The following CASK variants were observed in gnomAD, a reference collection of about 807,000 sequenced individuals.
CASK encodes calcium/calmodulin dependent serine protein kinase, also known as peripheral plasma membrane protein CASK.
Under a neutral mutation model 82.9 loss-of-function variants are expected in CASK, and 4 were observed. That is an observed-to-expected ratio of 0.05 (90% CI 0.02 to 0.11). The LOEUF (loss-of-function observed/expected upper bound fraction) is 0.11, where lower values mean the gene tolerates loss of function less well. Among genes scored for constraint, CASK ranks in the 10% least tolerant of loss-of-function variants. The probability of loss-of-function intolerance (pLI) is 1.00; values close to 1 mark genes in which losing one functional copy is unlikely to be tolerated. For synonymous variants in CASK, 259 were observed against 253.5 expected (o/e 1.02, Z -0.20); for missense variants, 358 against 720.9 (o/e 0.50, Z 5.76).
intron 3 of CASK, among the ~76,000 whole-genome samples, chrX:41,773,303 AG>A (rs2069281134): frequency 9.6e-6 from 1 of 103,719 alleles, no homozygotes; most frequent in Non-Finnish European, 2.0e-5. Context: ...TGAACCCAGG[AG>A]GTCGAGGCTG....
intron 5 of CASK, among the ~76,000 whole-genome samples, chrX:41,717,178 T>C (rs1422678557): frequency 1.8e-5 from 2 of 111,894 alleles, no homozygotes; most frequent in South Asian, 7.4e-4. Context: ...GACACAGTAG[T>C]AGAAACTCAT....
chrX:41,551,494 TCTCTGGCACAGAA>T (rs1418000365), intron 21 of CASK, among the ~76,000 whole-genome samples: 3 of 111,621 alleles, frequency 2.7e-5, no homozygotes, highest in Non-Finnish European at 3.8e-5. Context: ...TAACCTTGGT[TCTCTGGCACAGAA>T]GTGTTCAGTA....
chrX:41,886,109 A>G (rs1320854969), intron 1 of CASK, among the ~76,000 whole-genome samples: 1 of 111,907 alleles, frequency 8.9e-6, no homozygotes, highest in Non-Finnish European at 1.9e-5. Flanking sequence ...ACAATAGTGA[A>G]TAACATAGGA....
In CASK at chrX:41,853,169, C is replaced by T. The variant is rs749242018; in HGVS notation, c.118G>A (p.Val40Ile). 1 of 1,206,599 alleles carries T rather than the reference C, an allele frequency of 8.3e-7. No homozygotes were observed. The highest frequency in any genetic ancestry group is 1.8e-5 in the African/African-American group (1 of 57,088). ...AACTTGGCTACATCAACAATTTTTA[C>T]AGCAAATTGTTGCCCAGTTTCTCTG... ...INRETGQQFA[V>I]KIVDVAKFTS... is the part of the protein sequence containing the mutation. Residue 40 changes from valine (V) to isoleucine (I), a missense_variant, in exon 2 of 27, where the codon GTA becomes ATA. This residue lies in a region of CASK where 70 missense variants were observed against 228.4 expected (regional missense o/e 0.31). Transcript: ENST00000378163.
At position 41,860,467 on chromosome X, in the gene CASK, C is replaced by T. The variant is rs751042285; in HGVS notation, c.60-7240G>A. 3.2e-4 allele frequency among the ~76,000 whole-genome samples: 36 copies of T among 112,399 alleles called. 1 individual carries two copies. In the South Asian group the frequency reaches 0.013, roughly 40 times the overall value. Reference sequence around the variant, plus strand: ...CGATGGTCTGTTCCCTATTTCAACACTATTTAGTGTAGTCATTGCCACTAA... The same window carrying T: ...CGATGGTCTGTTCCCTATTTCAACATTATTTAGTGTAGTCATTGCCACTAA... On this transcript the variant is annotated intron_variant, in intron 1 of 26. Coordinates refer to ENST00000378163, the MANE Select transcript of CASK (RefSeq NM_001367721.1).
chrX:41,606,623 C>T (rs1011453987), intron 12 of CASK, among the ~76,000 whole-genome samples: 2 of 110,964 alleles, frequency 1.8e-5, no homozygotes, highest in Non-Finnish European at 3.8e-5. Context: ...GTCCAGGGCT[C>T]GGCCTCATAG....
rs777773888 is a variant in CASK at position 41,769,308 on chromosome X, G to A, written c.278+17870C>T. 2.4e-4 allele frequency among the ~76,000 whole-genome samples: 25 copies of A among 105,319 alleles called. No homozygotes were observed. The East Asian group carries it at 6.0e-3, about 25-fold the overall frequency. 91.5% of individuals were successfully genotyped at this position (105,319 alleles called of 115,157 possible). A position where few individuals can be genotyped will look rare whatever the true frequency, so the allele number is the denominator to read the frequency against. ...TCTCCTGTGCCCAAGTGATCCTCCC[G>A]CCTCAGTCTCCTGAGTAGCTGGGAC... On this transcript the variant is annotated intron_variant, in intron 3 of 26. Coordinates refer to ENST00000378163, the MANE Select transcript of CASK (RefSeq NM_001367721.1).
At chrX:41,607,383 G>C (rs901692729) in intron 12 of CASK, among the ~76,000 whole-genome samples, 7 of 112,155 alleles carry the variant, frequency 6.2e-5, no homozygotes, top group Non-Finnish European at 5.6e-5. Context: ...GTTACAAAAA[G>C]TCCTTGATTC....
chrX:41,547,557 T>C (rs977021990), intron 21 of CASK, among the ~76,000 whole-genome samples: 1 of 111,582 alleles, frequency 9.0e-6, no homozygotes, highest in Non-Finnish European at 1.9e-5. Context: ...AGTGGTGTTA[T>C]GTATGGTACC....
At chrX:41,859,863 C>G (rs2071443983) in intron 1 of CASK, among the ~76,000 whole-genome samples, 1 of 111,145 alleles carries the variant, frequency 9.0e-6, no homozygotes, top group Non-Finnish European at 1.9e-5. Flanking sequence ...TTGAAGGAAC[C>G]CAACCTTGTA....
At chrX:41,543,607 A>C (rs1368919471) in intron 21 of CASK, among the ~76,000 whole-genome samples, 1 of 112,062 alleles carries the variant, frequency 8.9e-6, no homozygotes, top group East Asian at 2.8e-4. Context: ...TGATATTAAA[A>C]AGTTGCTCTT....
chrX:41,767,063 T>C (rs565790881), intron 3 of CASK, among the ~76,000 whole-genome samples: 7 of 112,081 alleles, frequency 6.2e-5, no homozygotes, highest in African/African-American at 1.9e-4. Context: ...GGAAATGGTG[T>C]AAACTCATGG....
intron 1 of CASK, among the ~76,000 whole-genome samples, chrX:41,916,184 G>C (rs1383187878): frequency 3.6e-5 from 4 of 112,348 alleles, no homozygotes; most frequent in Non-Finnish European, 5.6e-5. Flanking sequence ...CTCAAAAAAA[G>C]AAAATAAAAT....
chrX:41,771,602 C>T lies in CASK; in HGVS notation c.278+15576G>A, dbSNP rs146820535. 2.7e-3 allele frequency among the ~76,000 whole-genome samples: 301 copies of T among 111,019 alleles called. 2 individuals carry two copies. Among genetic ancestry groups the T allele is most frequent in the Middle Eastern group, 0.014 (3 of 215 alleles). On this transcript the variant is annotated intron_variant, in intron 3 of 26. Transcript: ENST00000378163. The stretch of plus-strand genomic sequence containing the variant: ...ACAGTACTTGCACTGTTCAGGAGGA[C>T]AATAATGGTATCAATATCAGAATTT...
chrX:41,533,196 T>C (rs2064829819), intron 24 of CASK, among the ~76,000 whole-genome samples: 1 of 112,106 alleles, frequency 8.9e-6, no homozygotes, highest in South Asian at 3.7e-4. Flanking sequence ...CAGGGTCAAA[T>C]ATTTCAAAGA....
chrX:41,704,599 C>G (rs148278625), intron 5 of CASK, among the ~76,000 whole-genome samples: 1 of 111,849 alleles, frequency 8.9e-6, no homozygotes, highest in Non-Finnish European at 1.9e-5. Flanking sequence ...GTTGGTATTG[C>G]CCATCCAACA....
intron 25 of CASK, chrX:41,524,681 A>T (rs1456082742): frequency 8.9e-6 from 1 of 111,802 alleles, no homozygotes; most frequent in Non-Finnish European, 1.9e-5. Context: ...GGCCTCTGAG[A>T]TCCCTTTCAG....
intron 21 of CASK, among the ~76,000 whole-genome samples, chrX:41,547,081 C>T (rs184485589): frequency 7.3e-5 from 8 of 110,061 alleles, no homozygotes; most frequent in Non-Finnish European, 1.3e-4. Flanking sequence ...CAGGCACCCG[C>T]CACCACGCTC....
At chrX:41,812,990 A>G (rs1165288625) in intron 2 of CASK, among the ~76,000 whole-genome samples, 1 of 111,643 alleles carries the variant, frequency 9.0e-6, no homozygotes, top group Non-Finnish European at 1.9e-5. Flanking sequence ...TCCCATTCAC[A>G]ATTACTTCAA....
Sources: gnomAD v4.1 joint callset for allele counts (sites outside exome capture counted in the v4.1 genomes callset) on GRCh38, gnomAD v4.1.1 for gene constraint, gnomAD v4.1.1 regional missense constraint, MANE v1.5 for transcripts, NCBI Gene and HGNC (gene_info 2026-07-23, HGNC 2026-07-21) for gene names.